The following NME7 variants were observed in gnomAD, a reference collection of about 807,000 sequenced individuals.
NME7 encodes the protein NME/NM23 family member 7.
In NME7, 41 loss-of-function variants were observed where a neutral mutation model predicts 49.1. The observed-to-expected ratio is 0.83, with a 90% CI of 0.65 to 1.08. The LOEUF (loss-of-function observed/expected upper bound fraction) is 1.08, where lower values mean the gene tolerates loss of function less well. Ranked by LOEUF, NME7 falls within the 50% of genes least tolerant of loss-of-function variation. NME7 has a pLI of 0.00. For missense variants in NME7, 423 were observed against 463.4 expected (o/e 0.91, Z 0.80); for synonymous variants, 139 against 150.6 (o/e 0.92, Z 0.56).
chr1:169,275,434 G>A (rs1257112984), intron 7 of NME7, among the ~76,000 whole-genome samples: 7 of 106,328 alleles, frequency 6.6e-5, no homozygotes, highest in African/African-American at 1.6e-4. Context: ...AGTCGAGATC[G>A]CGCCACTGCA....
intron 1 of NME7, among the ~76,000 whole-genome samples, chr1:169,331,677 C>T (rs540243194): frequency 1.3e-5 from 2 of 152,050 alleles, no homozygotes; most frequent in African/African-American, 2.4e-5. Context: ...CAACAGTGAA[C>T]AATCTTAAAA....
chr1:169,137,959 GTCT>G (rs1356810240), intron 11 of NME7, among the ~76,000 whole-genome samples: 2 of 152,132 alleles, frequency 1.3e-5, no homozygotes, highest in African/African-American at 4.8e-5. Flanking sequence ...TCATAACAGT[GTCT>G]TCTTCAGATA....
At chr1:169,247,553 G>A (rs1012633632) in intron 7 of NME7, among the ~76,000 whole-genome samples, 3 of 152,092 alleles carry the variant, frequency 2.0e-5, no homozygotes, top group African/African-American at 7.2e-5. Context: ...TTATATAGTG[G>A]TGAAGTCTGA....
chr1:169,167,543 T>C (rs1485345441), intron 11 of NME7, among the ~76,000 whole-genome samples: 1 of 152,204 alleles, frequency 6.6e-6, no homozygotes, highest in Non-Finnish European at 1.5e-5. Flanking sequence ...AATATTTATT[T>C]ACAGTTTCCT....
intron 11 of NME7, among the ~76,000 whole-genome samples, chr1:169,143,095 A>G (rs1269029454): frequency 1.3e-5 from 2 of 152,168 alleles, no homozygotes; most frequent in Non-Finnish European, 2.9e-5. Flanking sequence ...GACCCCCTTC[A>G]GTCCATTTTC....
intron 11 of NME7, among the ~76,000 whole-genome samples, chr1:169,135,811 C>T (rs1271944771): frequency 6.6e-6 from 1 of 152,068 alleles, no homozygotes; most frequent in African/African-American, 2.4e-5. Context: ...CAGCATCAGT[C>T]CTTTCTGAGG....
At chr1:169,307,267 C>A (rs770855704) in intron 4 of NME7, among the ~76,000 whole-genome samples, 1 of 152,032 alleles carries the variant, frequency 6.6e-6, no homozygotes, top group Non-Finnish European at 1.5e-5. Flanking sequence ...TAAAAATGTG[C>A]GGGCAAAGAT....
At chr1:169,146,890 A>C (rs2101816490) in intron 11 of NME7, among the ~76,000 whole-genome samples, 1 of 152,360 alleles carries the variant, frequency 6.6e-6, no homozygotes, top group South Asian at 2.1e-4. Flanking sequence ...AAGAGGAGAA[A>C]GTACTTGTGA....
chr1:169,181,364 TACACAC>T (rs58453647), intron 10 of NME7, among the ~76,000 whole-genome samples: 2,784 of 91,538 alleles, frequency 0.03, 89 homozygotes, highest in African/African-American at 0.08. Flanking sequence ...CTCAAATTCC[TACACAC>T]ACACACACAC....
rs1558000344 is a variant in NME7, at chr1:169,235,118, C to T, written c.888+13G>A. On this transcript the variant is annotated intron_variant, in intron 9 of 11. Transcript: ENST00000367811. ...TAACAGTACAAATGTTTTACATTTA[C>T]TTTTATACTTACATGATATTCGGTC... 1.4e-6 allele frequency: 2 copies of T among 1,429,784 alleles called. No homozygotes were observed. The highest frequency in any genetic ancestry group is 4.6e-5 in the East Asian group (2 of 43,292). The allele number at this position is 1,429,784 out of a possible 1,614,324, so 88.6% of individuals were successfully genotyped here. A position where few individuals can be genotyped will look rare whatever the true frequency, so the allele number is the denominator to read the frequency against.
chr1:169,282,051 G>C (rs1181170802), intron 7 of NME7, among the ~76,000 whole-genome samples: 1 of 152,154 alleles, frequency 6.6e-6, no homozygotes, highest in East Asian at 1.9e-4. Context: ...ACCTCTGGTA[G>C]AATTTGGCTG....
intron 1 of NME7, among the ~76,000 whole-genome samples, chr1:169,336,065 G>A (rs1023525035): frequency 1.3e-5 from 2 of 151,806 alleles, no homozygotes; most frequent in South Asian, 2.1e-4. Context: ...AGATGTGTTC[G>A]GAGTTTCTTC....
intron 3 of NME7, among the ~76,000 whole-genome samples, chr1:169,318,226 A>G (rs1282213085): frequency 6.6e-6 from 1 of 152,230 alleles, no homozygotes; most frequent in Non-Finnish European, 1.5e-5. Flanking sequence ...AGCCTCAACC[A>G]TTCTCAAACA....
At chr1:169,332,291 C>T in intron 1 of NME7, among the ~76,000 whole-genome samples, 1 of 152,018 alleles carries the variant, frequency 6.6e-6, no homozygotes, top group East Asian at 1.9e-4. Context: ...ACTAGACCCC[C>T]TATCTCCAGC....
chr1:169,284,275 G>A lies in NME7; in HGVS notation c.754+3028C>T, dbSNP rs111478443. On this transcript the variant is annotated intron_variant, in intron 7 of 11. Transcript: ENST00000367811. ...GTTGTGTATTCTTCACAAAGTTCTT[G>A]TGCTATGCTTTTCAGCTCCATCAGG... 6.0e-4 allele frequency: 91 copies of A among 152,056 alleles called. 1 individual carries two copies. The highest frequency in any genetic ancestry group is 2.2e-3 in the African/African-American group (90 of 41,494). The allele number at this position is 152,056 out of a possible 1,614,324, so 9.4% of individuals were successfully genotyped here.
intron 7 of NME7, chr1:169,286,213 T>C (rs966639687): frequency 2.0e-5 from 3 of 152,084 alleles, no homozygotes; most frequent in Non-Finnish European, 2.9e-5. Flanking sequence ...AAAAAATGAT[T>C]TGGAGGAAAT....
chr1:169,253,591 A>C (rs988167311), intron 7 of NME7, among the ~76,000 whole-genome samples: 2 of 152,200 alleles, frequency 1.3e-5, no homozygotes, highest in African/African-American at 4.8e-5. Flanking sequence ...CAGAATTTCA[A>C]ACACTATGTT....
chr1:169,164,682 G>A (rs1180390971), intron 11 of NME7, among the ~76,000 whole-genome samples: 2 of 152,182 alleles, frequency 1.3e-5, no homozygotes, highest in Admixed American at 6.5e-5. Flanking sequence ...AAGGTGGGAT[G>A]TATCTGTAAA....
chr1:169,145,549 T>C (rs1658723355), intron 11 of NME7, among the ~76,000 whole-genome samples: 1 of 152,148 alleles, frequency 6.6e-6, no homozygotes, highest in Non-Finnish European at 1.5e-5. Flanking sequence ...TTTTTAAAAT[T>C]ACCCACTGAA....
Sources: gnomAD v4.1 joint callset for allele counts (sites outside exome capture counted in the v4.1 genomes callset) on GRCh38, gnomAD v4.1.1 for gene constraint, MANE v1.5 for transcripts, NCBI Gene and HGNC (gene_info 2026-07-23, HGNC 2026-07-21) for gene names.